The following PTPN5 variants were observed in gnomAD, a reference collection of about 807,000 sequenced individuals.
The protein encoded by PTPN5 is protein tyrosine phosphatase non-receptor type 5.
In PTPN5, 29 loss-of-function variants were observed where a neutral mutation model predicts 73.9. The ratio of observed to expected loss-of-function variants is 0.39; its 90% CI spans 0.29 to 0.54. PTPN5 has a LOEUF of 0.54. Ranked by LOEUF, PTPN5 falls within the 20% of genes least tolerant of loss-of-function variation. The pLI, the probability that PTPN5 is intolerant of heterozygous loss-of-function variation, is 0.65. For synonymous variants in PTPN5, 267 were observed against 304.7 expected (o/e 0.88, Z 1.29); for missense variants, 652 against 751.4 (o/e 0.87, Z 1.55).
In PTPN5 at chr11:18,746,192, T is replaced by TATATATATATATATATATAC. The variant is rs550537453; in HGVS notation, c.98-1994_98-1993insGTATATATATATATATATAT. 1.8e-3 allele frequency among the ~76,000 whole-genome samples: 190 copies of TATATATATATATATATATAC among 102,756 alleles called. 11 individuals carry two copies. The highest frequency in any genetic ancestry group is 2.7e-3 in the Non-Finnish European group (133 of 48,470). 67.4% of individuals were successfully genotyped at this position (102,756 alleles called of 152,430 possible). A position where few individuals can be genotyped will look rare whatever the true frequency, so the allele number is the denominator to read the frequency against. On this transcript the variant is annotated intron_variant, in intron 3 of 14. Coordinates refer to ENST00000358540, the MANE Select transcript of PTPN5 (RefSeq NM_006906.2). ...ATATATATATATATATATATATATA[T>TATATATATATATATATATAC]ACATTTTTTTTTTTTTTGAGATGGA...
chr11:18,730,070 A>G (rs1848808412), intron 12 of PTPN5: 1 of 571,842 alleles, frequency 1.7e-6, no homozygotes, highest in African/African-American at 1.9e-5. Flanking sequence ...CAACTTCAGG[A>G]TCATCCAAGA....
At chr11:18,782,752 T>C (rs919747687) in intron 1 of PTPN5, among the ~76,000 whole-genome samples, 1 of 152,320 alleles carries the variant, frequency 6.6e-6, no homozygotes, top group African/African-American at 2.4e-5. Flanking sequence ...GATCTATACA[T>C]TGGACTGCTT....
intron 3 of PTPN5, among the ~76,000 whole-genome samples, chr11:18,748,090 T>A (rs1407743981): frequency 6.6e-6 from 1 of 152,206 alleles, no homozygotes; most frequent in African/African-American, 2.4e-5. Context: ...AAATATTTTT[T>A]TCAAAAAGAT....
At chr11:18,743,280 A>T (rs771704742) in intron 5 of PTPN5, 42 bp downstream of exon 5, 1 of 1,590,744 alleles carries the variant, frequency 6.3e-7, no homozygotes. Context: ...AGAGGCCCCC[A>T]ACAGATCCCT....
At chr11:18,755,435 A>T (rs1217738824) in intron 3 of PTPN5, among the ~76,000 whole-genome samples, 1 of 152,230 alleles carries the variant, frequency 6.6e-6, no homozygotes, top group Non-Finnish European at 1.5e-5. Context: ...TTTGTTATGT[A>T]GCAAAATATA....
At chr11:18,752,143 A>ATTGC (rs1168136809) in intron 3 of PTPN5, among the ~76,000 whole-genome samples, 1 of 152,190 alleles carries the variant, frequency 6.6e-6, no homozygotes, top group African/African-American at 2.4e-5. Flanking sequence ...AGGCAAGAGA[A>ATTGC]TTGCTTGAAC....
rs149046679 is a variant in PTPN5, at chr11:18,779,871, G to T, written c.-113-7800C>A. ...CTTTCTCCACAAGGGGCCTTGGGTC[G>T]GTGTCCTAACCTCTCTGAGTCTCAA... On this transcript the variant is annotated intron_variant, in intron 1 of 14. Transcript: ENST00000358540. Among the ~76,000 whole-genome samples, 264 of 152,300 alleles carry T rather than the reference G, an allele frequency of 1.7e-3. 1 individual carries two copies. Among genetic ancestry groups the T allele is most frequent in the Non-Finnish European group, 3.0e-3 (202 of 68,030 alleles).
intron 2 of PTPN5, among the ~76,000 whole-genome samples, chr11:18,770,320 C>G (rs1242774059): frequency 6.6e-6 from 1 of 152,224 alleles, no homozygotes. Context: ...CCCACAGCCC[C>G]TGGCAACGGC....
At position 18,778,402 on chromosome 11, in the gene PTPN5, C is replaced by T. The variant is rs538346433; in HGVS notation, c.-113-6331G>A. ...TCTGCCTTCTAGGATTAGGCCTTGT[C>T]CACTCTTGCAGCTCTCCCTTCTCCC... On this transcript the variant is annotated intron_variant, in intron 1 of 14. Coordinates refer to ENST00000358540, the MANE Select transcript of PTPN5 (RefSeq NM_006906.2). Among the ~76,000 whole-genome samples, 6 of 152,314 alleles carry T rather than the reference C, an allele frequency of 3.9e-5. No homozygotes were observed. In the East Asian group the frequency reaches 1.2e-3, roughly 29 times the overall value.
intron 9 of PTPN5, among the ~76,000 whole-genome samples, chr11:18,734,029 G>A (rs980822479): frequency 6.6e-6 from 1 of 152,222 alleles, no homozygotes; most frequent in African/African-American, 2.4e-5. Flanking sequence ...GACTTGCTGT[G>A]TAGGCTTGTA....
chr11:18,749,946 A>G (rs189423403), intron 3 of PTPN5, among the ~76,000 whole-genome samples: 1 of 152,124 alleles, frequency 6.6e-6, no homozygotes, highest in Non-Finnish European at 1.5e-5. Flanking sequence ...TCCCTTCCCA[A>G]TGTGGCCAGC....
At chr11:18,787,315 C>T (rs1473533844) in intron 1 of PTPN5, among the ~76,000 whole-genome samples, 2 of 146,152 alleles carry the variant, frequency 1.4e-5, no homozygotes, top group African/African-American at 4.9e-5. Context: ...TGGTCATTTC[C>T]AACATTCATT....
intron 3 of PTPN5, among the ~76,000 whole-genome samples, chr11:18,748,110 G>C (rs1241196001): frequency 6.6e-6 from 1 of 152,100 alleles, no homozygotes; most frequent in Non-Finnish European, 1.5e-5. Flanking sequence ...TCAAAGTTCA[G>C]AGTTGATATC....
intron 3 of PTPN5, among the ~76,000 whole-genome samples, chr11:18,751,021 A>C (rs1235890275): frequency 6.6e-6 from 1 of 152,182 alleles, no homozygotes; most frequent in Non-Finnish European, 1.5e-5. Context: ...GTACTGCTAG[A>C]GGAACTGAGA....
chr11:18,773,575 C>T (rs539867651), intron 1 of PTPN5, among the ~76,000 whole-genome samples: 5 of 152,246 alleles, frequency 3.3e-5, no homozygotes, highest in African/African-American at 9.6e-5. Context: ...TGAAACATCC[C>T]TGGCATGGGG....
chr11:18,729,475 TG>T lies in PTPN5; in HGVS notation c.1581del (p.Thr528ArgfsTer11). On this transcript the variant is annotated frameshift_variant, in exon 14 of 15. Transcript: ENST00000358540. LOFTEE classifies it high-confidence loss of function. This position sits in a 1 kb window ranked among gnomAD's most constrained non-coding sequence, Gnocchi z 5.2. Reference protein sequence around the residue: ...RQEGVVDILKTTCQLRQDRGG... With the variant: ...RQEGVVDILKXTCQLRQDRGG... ...GACCTGTCCTGACGGAGCTGGCACG[TG>T]GTCTTCAGGATGTCCACCACACCCT... The T allele has an allele frequency of 6.4e-7, 1 of 1,570,816 alleles. No homozygotes were observed. The highest frequency in any genetic ancestry group is 8.7e-7 in the Non-Finnish European group (1 of 1,145,278).
At chr11:18,769,013 C>T (rs2134310725) in intron 2 of PTPN5, among the ~76,000 whole-genome samples, 1 of 152,324 alleles carries the variant, frequency 6.6e-6, no homozygotes, top group East Asian at 1.9e-4. Context: ...GCTGCCCCCA[C>T]CACTGCTTCC....
Position 18,743,057 on chromosome 11 carries a change from T to A in PTPN5, c.418A>T (p.Thr140Ser), listed in dbSNP as rs372801914. ...LEPTAWLDSG[T>S]WGVPSLLLVF... ...AGCAGCAGACTGGGGACTCCCCACG[T>A]CCCAGAGTCAAGCCAGGCCTGGGGA... Residue 140 changes from threonine to serine, a missense_variant, in exon 6 of 15, where the codon ACG (threonine) becomes TCG (serine). By Grantham distance (58) the Thr-to-Ser change is moderately conservative. Transcript: ENST00000358540. 8.1e-5 allele frequency: 125 copies of A among 1,551,254 alleles called. No homozygotes were observed. Among genetic ancestry groups the A allele is most frequent in the Admixed American group, 1.4e-4 (7 of 50,998 alleles).
intron 1 of PTPN5, among the ~76,000 whole-genome samples, chr11:18,791,198 A>G (rs921312503): frequency 1.3e-5 from 2 of 152,204 alleles, no homozygotes; most frequent in Admixed American, 6.5e-5. Flanking sequence ...TGCAGCCCAG[A>G]GCCGCGCACC....
Sources: gnomAD v4.1 joint callset for allele counts (sites outside exome capture counted in the v4.1 genomes callset) on GRCh38, gnomAD v4.1.1 for gene constraint, Gnocchi (gnomAD v3.1) non-coding constraint, MANE v1.5 for transcripts, NCBI Gene and HGNC (gene_info 2026-07-23, HGNC 2026-07-21) for gene names.